NECTIN3: variants seen among roughly 807,000 people sequenced by gnomAD.
NECTIN3 encodes the protein nectin cell adhesion molecule 3.
A neutral mutation model predicts 49.4 loss-of-function variants in NECTIN3; 8 were observed. That is an observed-to-expected ratio of 0.16 (90% confidence interval 0.10 to 0.29). The LOEUF (loss-of-function observed/expected upper bound fraction) is 0.29. Among genes scored for constraint, NECTIN3 ranks in the 10% least tolerant of loss-of-function variants. NECTIN3 has a pLI of 1.00. For synonymous variants in NECTIN3, 277 were observed against 241.1 expected (o/e 1.15, Z -1.38); for missense variants, 581 against 654.6 (o/e 0.89, Z 1.23).
At position 111,143,311 on chromosome 3, in the gene NECTIN3, C is replaced by T. The variant is rs74623944; in HGVS notation, c.1001-1588C>T. Among the ~76,000 whole-genome samples the T allele has an allele frequency of 6.7e-4, 101 of 151,812 alleles. 1 individual carries two copies. Among genetic ancestry groups the T allele is most frequent in the African/African-American group, 2.4e-3 (99 of 41,484 alleles). On this transcript the variant is annotated intron_variant, in intron 5 of 8. Coordinates refer to the NECTIN3 transcript ENST00000493615. ...AGAAAATGAAGGTCACCATGAATGACAGAGTTATAATGTTTCAGAATCTAT... is the reference window on the plus strand; with the variant it reads ...AGAAAATGAAGGTCACCATGAATGATAGAGTTATAATGTTTCAGAATCTAT...
chr3:111,088,813 T>A (rs1001974349), intron 1 of NECTIN3, among the ~76,000 whole-genome samples: 1 of 152,220 alleles, frequency 6.6e-6, no homozygotes. Context: ...TTTTGCCACC[T>A]TTTGGTGTCA....
chr3:111,123,811 G>C (rs1051699879), intron 4 of NECTIN3, among the ~76,000 whole-genome samples: 1 of 152,114 alleles, frequency 6.6e-6, no homozygotes, highest in African/African-American at 2.4e-5. Context: ...TGGCACTATT[G>C]ATATTTTAGG....
In NECTIN3 at chr3:111,122,123, G is replaced by A. The variant is rs1186791584; in HGVS notation, c.802G>A (p.Ala268Thr). ...CCTGTCATGCATTTATTTTATAGATGCTCCTGAAGTTTCGGTAACAGGATA... is the reference window on the plus strand; with the variant it reads ...CCTGTCATGCATTTATTTTATAGATACTCCTGAAGTTTCGGTAACAGGATA... ...RYSFILDIQY[A>T]PEVSVTGYDG... Residue 268 changes from alanine (A) to threonine (T), a missense_variant and splice_region_variant, in exon 4 of 6, where the codon GCT becomes ACT. Physicochemically the swap from Ala to Thr is moderately conservative, Grantham distance 58. Around this residue, in one of 3 missense-constraint regions of NECTIN3, gnomAD observed 234 missense variants for 340.6 expected, o/e 0.69. Transcript: ENST00000485303. The A allele has an allele frequency of 1.3e-6, 2 of 1,594,368 alleles. No individual in the cohort carries two copies. Among genetic ancestry groups the A allele is most frequent in the Admixed American group, 3.3e-5 (2 of 59,896 alleles).
At chr3:111,185,927 C>T (rs2035711517) in intron 7 of NECTIN3, among the ~76,000 whole-genome samples, 1 of 152,136 alleles carries the variant, frequency 6.6e-6, no homozygotes, top group South Asian at 2.1e-4. Context: ...TGTATTATAA[C>T]TTGGATTCAG....
intron 2 of NECTIN3, among the ~76,000 whole-genome samples, 187 bp downstream of exon 2, chr3:111,112,558 A>G (rs1286682957): frequency 6.6e-6 from 1 of 152,140 alleles, no homozygotes; most frequent in South Asian, 2.1e-4. Context: ...AATCTTGTCT[A>G]TATATACCTA....
chr3:111,107,146 G>C (rs2033217399), intron 1 of NECTIN3, among the ~76,000 whole-genome samples: 1 of 151,876 alleles, frequency 6.6e-6, no homozygotes, highest in Non-Finnish European at 1.5e-5. Flanking sequence ...ACCCATAGTA[G>C]TTATATACGT....
chr3:111,122,262 G>GA, intron 4 of NECTIN3, 24 bp downstream of exon 4: 1 of 1,518,802 alleles, frequency 6.6e-7, no homozygotes, highest in Non-Finnish European at 9.1e-7. Flanking sequence ...CTTCGAAAGA[G>GA]AAATTATCTA....
chr3:111,145,991 A>AT (rs947046371), intron 6 of NECTIN3, among the ~76,000 whole-genome samples: 3 of 152,034 alleles, frequency 2.0e-5, no homozygotes, highest in South Asian at 2.1e-4. Context: ...AATGAGCCTC[A>AT]TTTTTTTCAC....
chr3:111,076,756 C>T (rs1171657553), intron 1 of NECTIN3, among the ~76,000 whole-genome samples: 2 of 152,054 alleles, frequency 1.3e-5, no homozygotes, highest in African/African-American at 4.8e-5. Flanking sequence ...GGGCAGATCA[C>T]TTTGGGTCAG....
chr3:111,108,970 A>C (rs1014559337), intron 1 of NECTIN3, among the ~76,000 whole-genome samples: 1 of 152,150 alleles, frequency 6.6e-6, no homozygotes, highest in Admixed American at 6.6e-5. Flanking sequence ...AAAATACTGT[A>C]AACTGGGCAG....
upstream of NECTIN3, among the ~76,000 whole-genome samples, chr3:111,187,599 A>G (rs2035744497): frequency 6.6e-6 from 1 of 152,256 alleles, no homozygotes; most frequent in African/African-American, 2.4e-5. Flanking sequence ...ATATTCAGAC[A>G]ATGGAATATT....
intron 5 of NECTIN3, among the ~76,000 whole-genome samples, chr3:111,132,209 C>T (rs879782809): frequency 5.3e-5 from 8 of 151,838 alleles, no homozygotes; most frequent in Non-Finnish European, 1.0e-4. Context: ...TAAATATACT[C>T]TGATAACTAA....
chr3:111,154,487 T>C (rs1466145866), intron 7 of NECTIN3, among the ~76,000 whole-genome samples: 2 of 152,198 alleles, frequency 1.3e-5, no homozygotes, highest in East Asian at 3.8e-4. Context: ...TGTGTAAATA[T>C]ATGCTTTCAT....
At chr3:111,087,165 C>T (rs181512152) in intron 1 of NECTIN3, among the ~76,000 whole-genome samples, 3 of 152,158 alleles carry the variant, frequency 2.0e-5, no homozygotes, top group East Asian at 1.9e-4. Context: ...TATAAGCATG[C>T]CATCTATGAT....
Position 111,193,333 on chromosome 3 carries a change from A to C in NECTIN3, c.63+920A>C, listed in dbSNP as rs1034531600. On this transcript the variant is annotated intron_variant, in intron 1 of 1. Coordinates refer to the NECTIN3 transcript ENST00000485506. Reference sequence around the variant, plus strand: ...AGCCCTGGCAAACATCATCAAAATAACGACCCTAAGAGAGTCTACATCGAC... The same window carrying C: ...AGCCCTGGCAAACATCATCAAAATACCGACCCTAAGAGAGTCTACATCGAC... 7 of 1,535,858 alleles carry C rather than the reference A, an allele frequency of 4.6e-6. No homozygotes were observed. The African/African-American group carries it at 6.8e-5, about 15-fold the overall frequency.
chr3:111,139,633 C>T (rs1203637219), downstream of NECTIN3, among the ~76,000 whole-genome samples: 4 of 151,674 alleles, frequency 2.6e-5, no homozygotes, highest in Non-Finnish European at 5.9e-5. Flanking sequence ...GTTCTTTTAC[C>T]ATATCATATA....
At chr3:111,190,366 A>G (rs1222522079), upstream of NECTIN3, among the ~76,000 whole-genome samples, 4 of 152,234 alleles carry the variant, frequency 2.6e-5, no homozygotes, top group African/African-American at 7.2e-5. Context: ...TAATAAATTC[A>G]TTAGTGAACT....
chr3:111,184,060 T>C (rs1211384637), intron 7 of NECTIN3, among the ~76,000 whole-genome samples: 1 of 152,210 alleles, frequency 6.6e-6, no homozygotes, highest in Non-Finnish European at 1.5e-5. Context: ...TCTGTTCTTT[T>C]GTATTGATAG....
At position 111,118,819 on chromosome 3, in the gene NECTIN3, T is replaced by C; in HGVS notation, c.666T>C (p.Asn222=). 1 of 1,614,128 alleles carries C rather than the reference T, an allele frequency of 6.2e-7. No homozygotes were observed. The highest frequency in any genetic ancestry group is 2.2e-5 in the East Asian group (1 of 44,854). The part of the protein sequence containing the change: ...EMESTTTSFP[N]ETATIISQYK... ...AATCCACTACAACTTCTTTTCCAAA[T>C]GAAACGGCAACGATTATCAGCCAGT... The change falls in exon 3 of 6, where the codon AAT becomes AAC. Residue 222 remains asparagine (N), a synonymous_variant. Coordinates refer to ENST00000485303, the MANE Select transcript of NECTIN3 (RefSeq NM_015480.3).
Sources: gnomAD v4.1 joint callset for allele counts (sites outside exome capture counted in the v4.1 genomes callset) on GRCh38, gnomAD v4.1.1 for gene constraint, gnomAD v4.1.1 regional missense constraint, MANE v1.5 for transcripts, NCBI Gene and HGNC (gene_info 2026-07-23, HGNC 2026-07-21) for gene names.